ENTPD3: variants seen among roughly 807,000 people sequenced by gnomAD.
ENTPD3 encodes CD39 antigen-like 3.
In ENTPD3, 60 loss-of-function variants were observed where a neutral mutation model predicts 51.2. The ratio of observed to expected loss-of-function variants is 1.17; its 90% CI spans 0.95 to 1.45. The LOEUF (loss-of-function observed/expected upper bound fraction) is 1.45. Among genes scored for constraint, ENTPD3 ranks in the 40% most tolerant of loss-of-function variants. The probability of loss-of-function intolerance (pLI) is 0.00; values close to 1 mark genes in which losing one functional copy is unlikely to be tolerated. For synonymous variants in ENTPD3, 221 were observed against 238.4 expected, an observed-to-expected ratio of 0.93 and a Z score of 0.67; for missense variants, 593 against 641.1, an observed-to-expected ratio of 0.93 and a Z score of 0.81.
At chr3:40,392,815 A>C (rs1258332896) in intron 3 of ENTPD3, among the ~76,000 whole-genome samples, 2 of 152,006 alleles carry the variant, frequency 1.3e-5, no homozygotes, top group Non-Finnish European at 1.5e-5. Flanking sequence ...TTTCCAAAAA[A>C]AGGAAAAAAG....
rs746390624 is a variant in ENTPD3, at chr3:40,427,485, G to C, written c.1567G>C (p.Asp523His). ...RRKRHSEHAF[D>H]HAVDSD ...AAAGAGGCACTCCGAGCATGCCTTT[G>C]ACCATGCAGTGGATTCTGACTGAGC... Residue 523 changes from aspartate (D) to histidine (H), a missense_variant, in exon 11 of 11, where the codon GAC (aspartate) becomes CAC (histidine). Transcript: ENST00000301825. The C allele has an allele frequency of 6.2e-7, 1 of 1,614,062 alleles. No homozygotes were observed. Among genetic ancestry groups the C allele is most frequent in the South Asian group, 1.1e-5 (1 of 91,036 alleles).
chr3:40,423,427 ATGTCAGT>A (rs1285362935), intron 9 of ENTPD3, 26 bp downstream of exon 9: 1 of 1,448,750 alleles, frequency 6.9e-7, no homozygotes, highest in Admixed American at 1.7e-5. Context: ...GAAGGGATCA[ATGTCAGT>A]ACAAAAAAAT....
At chr3:40,423,610 T>A (rs1382154143) in intron 9 of ENTPD3, among the ~76,000 whole-genome samples, 1 of 152,226 alleles carries the variant, frequency 6.6e-6, no homozygotes, top group Non-Finnish European at 1.5e-5. Context: ...ATTTGGCATA[T>A]AATAAGCACT....
intron 7 of ENTPD3, among the ~76,000 whole-genome samples, chr3:40,418,907 GAAAAA>G (rs35636349): frequency 6.6e-6 from 1 of 151,532 alleles, no homozygotes; most frequent in African/African-American, 2.4e-5. Flanking sequence ...AACTTAAAAA[GAAAAA>G]AAATTGACCA....
At chr3:40,392,860 G>A (rs1459315509) in intron 3 of ENTPD3, among the ~76,000 whole-genome samples, 2 of 152,046 alleles carry the variant, frequency 1.3e-5, no homozygotes, top group African/African-American at 2.4e-5. Context: ...ACCTCTTCTA[G>A]CCTAGGCTGA....
intron 3 of ENTPD3, among the ~76,000 whole-genome samples, chr3:40,392,980 C>A (rs1419718358): frequency 1.3e-5 from 2 of 150,674 alleles, no homozygotes; most frequent in African/African-American, 2.5e-5. Context: ...CTCAACAACA[C>A]CCCCCCGGCA....
intron 4 of ENTPD3, among the ~76,000 whole-genome samples, chr3:40,403,399 T>C (rs1053303339): frequency 6.6e-6 from 1 of 152,162 alleles, no homozygotes; most frequent in Non-Finnish European, 1.5e-5. Context: ...TCAGGCCTGA[T>C]GAAGCTTCAG....
chr3:40,406,607 C>T (rs1295297841), intron 4 of ENTPD3, among the ~76,000 whole-genome samples: 1 of 152,108 alleles, frequency 6.6e-6, no homozygotes, highest in African/African-American at 2.4e-5. Flanking sequence ...GTCAATTTGC[C>T]CTTGACTAGT....
In ENTPD3 at chr3:40,388,379, G is replaced by A. The variant is rs112079323; in HGVS notation, c.40+282G>A. Among the ~76,000 whole-genome samples, 840 of 152,112 alleles carry A rather than the reference G, an allele frequency of 5.5e-3. 5 individuals carry two copies. The highest frequency in any genetic ancestry group is 0.018 in the African/African-American group (752 of 41,484). The stretch of plus-strand genomic sequence containing the variant: ...TGGCCCTTGTGGTTTCCCTTAGCTA[G>A]CTGTGTGTAACGTTTGCTTTAGAAT... On this transcript the variant is annotated intron_variant, in intron 2 of 10. Coordinates refer to ENST00000301825, the MANE Select transcript of ENTPD3 (RefSeq NM_001248.4).
At chr3:40,408,494 T>G (rs1955555079) in intron 4 of ENTPD3, among the ~76,000 whole-genome samples, 1 of 152,204 alleles carries the variant, frequency 6.6e-6, no homozygotes, top group Admixed American at 6.5e-5. Context: ...TTTCACTAGT[T>G]TCACAGTAAA....
At position 40,427,414 on chromosome 3, in the gene ENTPD3, T is replaced by G; in HGVS notation, c.1496T>G (p.Leu499Trp). ...GTLAFFTAAA[L>W]LCLAFLAYLC... ...CTCGCTTTCTTCACAGCGGCAGCCT[T>G]GCTGTGTCTGGCATTTCTTGCATAC... is the stretch of plus-strand genomic sequence containing the variant. The change falls in exon 11 of 11, where the codon TTG (leucine) becomes TGG (tryptophan). Residue 499 changes from leucine to tryptophan, a missense_variant. Coordinates refer to ENST00000301825, the MANE Select transcript of ENTPD3 (RefSeq NM_001248.4). The G allele has an allele frequency of 6.2e-7, 1 of 1,614,146 alleles. No homozygotes were observed. Among genetic ancestry groups the G allele is most frequent in the Non-Finnish European group, 8.5e-7 (1 of 1,180,026 alleles).
chr3:40,400,405 CTATT>C (rs1955323600), intron 3 of ENTPD3, among the ~76,000 whole-genome samples: 1 of 152,040 alleles, frequency 6.6e-6, no homozygotes. Context: ...ATCCAGGTGA[CTATT>C]CATTTTCCGT....
Position 40,414,584 on chromosome 3 carries a change from G to C in ENTPD3, c.438-97G>C. 4 of 1,291,762 alleles carry C rather than the reference G, an allele frequency of 3.1e-6. No homozygotes were observed. In the East Asian group the frequency reaches 9.8e-5, roughly 32 times the overall value. 80.0% of individuals were successfully genotyped at this position (1,291,762 alleles called of 1,614,324 possible). On this transcript the variant is annotated intron_variant, in intron 5 of 10. Transcript: ENST00000301825. ...AAAATCATTCATCCCCACCAGCAGG[G>C]AGACGGTGAAGTTTGCATTTTCACC... is the stretch of plus-strand genomic sequence containing the variant.
Position 40,416,082 on chromosome 3 carries a change from G to A in ENTPD3, c.831+9G>A, listed in dbSNP as rs1266827272. On this transcript the variant is annotated intron_variant, in intron 7 of 10. Coordinates refer to ENST00000301825, the MANE Select transcript of ENTPD3 (RefSeq NM_001248.4). ...TGGCAATGCTCCTGCAGGTACTTGA[G>A]TCGGGGGTAGGGGGTGGCAGGTGTT... The A allele has an allele frequency of 1.9e-6, 3 of 1,608,386 alleles. No homozygotes were observed. Among genetic ancestry groups the A allele is most frequent in the Non-Finnish European group, 2.6e-6 (3 of 1,175,508 alleles).
chr3:40,424,181 A>G, intron 10 of ENTPD3: 1 of 985,412 alleles, frequency 1.0e-6, no homozygotes, highest in Non-Finnish European at 1.2e-6. Context: ...CTGGAAGCCA[A>G]GGGCCAATGG....
rs1361192190 is a variant in ENTPD3 at position 40,414,858 on chromosome 3, C to T, written c.597+18C>T. ...TCCTGGAGGTGTGTGCAAACAAATG[C>T]ATGGTTTTTAATCTTACTGTTTATC... On this transcript the variant is annotated intron_variant, in intron 6 of 10. Transcript: ENST00000301825. The T allele has an allele frequency of 6.2e-7, 1 of 1,613,170 alleles. No homozygotes were observed.
intron 2 of ENTPD3, 149 bp downstream of exon 2, chr3:40,388,246 C>G (rs1332841240): frequency 1.5e-6 from 1 of 682,286 alleles, no homozygotes; most frequent in African/African-American, 1.8e-5. Context: ...GTTTCAACAC[C>G]GGCATTCCTC....
chr3:40,412,068 C>G (rs908718597), intron 5 of ENTPD3, 106 bp downstream of exon 5: 9 of 1,118,972 alleles, frequency 8.0e-6, no homozygotes, highest in Non-Finnish European at 9.3e-6. Flanking sequence ...CCTCGCCCCC[C>G]AAAAAGAAGC....
At chr3:40,422,703 C>T (rs1297091565) in intron 7 of ENTPD3, 147 bp from the exon 8 acceptor site, 1 of 630,172 alleles carries the variant, frequency 1.6e-6, no homozygotes, top group Non-Finnish European at 2.7e-6. Context: ...TGTTTTATGG[C>T]TTCATAGTAT....
Sources: allele counts gnomAD v4.1 joint callset (sites outside exome capture counted in the v4.1 genomes callset), GRCh38; gene constraint gnomAD v4.1.1; transcripts MANE v1.5; gene names NCBI Gene and HGNC (gene_info 2026-07-23, HGNC 2026-07-21).